The following HCN1 variants were observed in gnomAD, a reference collection of about 807,000 sequenced individuals.
HCN1 encodes the protein hyperpolarization activated cyclic nucleotide gated potassium channel 1, also known as potassium/sodium hyperpolarization-activated cyclic nucleotide-gated channel 1.
Under a neutral mutation model 78.9 loss-of-function variants are expected in HCN1, and 13 were observed. That is an observed-to-expected ratio of 0.16 (90% CI 0.11 to 0.26). The LOEUF is 0.26. Among genes scored for constraint, HCN1 ranks in the 10% least tolerant of loss-of-function variants. HCN1 has a pLI of 1.00. For synonymous variants in HCN1, 552 were observed against 455.5 expected, an observed-to-expected ratio of 1.21 and a Z score of -2.70; for missense variants, 810 against 1,154.3, an observed-to-expected ratio of 0.70 and a Z score of 4.32.
chr5:45,438,951 C>A (rs1044796878), intron 3 of HCN1, among the ~76,000 whole-genome samples: 2 of 152,182 alleles, frequency 1.3e-5, no homozygotes, highest in Admixed American at 1.3e-4. Context: ...TTCATAACAA[C>A]CCCTGTGACT....
chr5:45,297,378 A>G (rs1745518790), intron 6 of HCN1, among the ~76,000 whole-genome samples: 1 of 152,058 alleles, frequency 6.6e-6, no homozygotes, highest in Admixed American at 6.6e-5. Context: ...CATTATGAAC[A>G]TGTTACAGTG....
chr5:45,640,813 G>A (rs1745439413), intron 2 of HCN1, among the ~76,000 whole-genome samples: 1 of 147,978 alleles, frequency 6.8e-6, no homozygotes, highest in Admixed American at 6.8e-5. Context: ...GACTTCAGGT[G>A]ATCCACTGCA....
intron 4 of HCN1, among the ~76,000 whole-genome samples, chr5:45,372,159 T>C (rs1382304923): frequency 5.1e-5 from 2 of 39,136 alleles, no homozygotes; most frequent in Non-Finnish European, 6.8e-5. Context: ...TATAATATGT[T>C]ATTATATATA....
intron 2 of HCN1, among the ~76,000 whole-genome samples, chr5:45,619,936 T>C (rs907947165): frequency 6.6e-6 from 1 of 152,072 alleles, no homozygotes; most frequent in Non-Finnish European, 1.5e-5. Flanking sequence ...ATAGTATCTT[T>C]ACAGTGGAGA....
At chr5:45,301,082 A>T (rs1745606677) in intron 6 of HCN1, among the ~76,000 whole-genome samples, 1 of 152,032 alleles carries the variant, frequency 6.6e-6, no homozygotes, top group East Asian at 1.9e-4. Context: ...TATTTTGATA[A>T]AGTTAAAAAA....
At chr5:45,328,403 A>C (rs973038625) in intron 5 of HCN1, among the ~76,000 whole-genome samples, 1 of 151,576 alleles carries the variant, frequency 6.6e-6, no homozygotes, top group Non-Finnish European at 1.5e-5. Flanking sequence ...TCTGGCATAT[A>C]CGAATGACCA....
chr5:45,567,243 T>A (rs1743726699), intron 2 of HCN1, among the ~76,000 whole-genome samples: 1 of 152,082 alleles, frequency 6.6e-6, no homozygotes, highest in Admixed American at 6.6e-5. Context: ...TACCTCCTTT[T>A]CTTCTTCAAA....
chr5:45,448,057 G>C (rs997719904), intron 3 of HCN1, among the ~76,000 whole-genome samples: 3 of 151,548 alleles, frequency 2.0e-5, no homozygotes, highest in African/African-American at 7.3e-5. Flanking sequence ...TCCTACATAA[G>C]TTTTATAATT....
intron 2 of HCN1, among the ~76,000 whole-genome samples, chr5:45,622,155 G>A (rs183088052): frequency 2.8e-4 from 43 of 152,002 alleles, no homozygotes; most frequent in African/African-American, 8.2e-4. Context: ...CCAGGAGGCC[G>A]AGATCGCGCC....
At chr5:45,450,914 C>T (rs1297890971) in intron 3 of HCN1, among the ~76,000 whole-genome samples, 1 of 152,124 alleles carries the variant, frequency 6.6e-6, no homozygotes, top group Non-Finnish European at 1.5e-5. Flanking sequence ...AAAAAACAGC[C>T]TGGAGGAGAA....
intron 2 of HCN1, among the ~76,000 whole-genome samples, chr5:45,582,139 C>A (rs1473073529): frequency 6.6e-6 from 1 of 152,090 alleles, no homozygotes; most frequent in African/African-American, 2.4e-5. Flanking sequence ...GGTATTGATT[C>A]TTCCTACCCA....
chr5:45,473,835 G>A (rs1741458554), intron 2 of HCN1, among the ~76,000 whole-genome samples: 1 of 151,404 alleles, frequency 6.6e-6, no homozygotes, highest in South Asian at 2.1e-4. Context: ...TTGTAACCTG[G>A]CGTTTCCTAT....
chr5:45,363,030 C>T (rs936971735), intron 4 of HCN1, among the ~76,000 whole-genome samples: 3 of 149,308 alleles, frequency 2.0e-5, no homozygotes, highest in African/African-American at 7.4e-5. Context: ...CTGATTACTA[C>T]CATGATACTT....
At chr5:45,541,670 A>C (rs1743109870) in intron 2 of HCN1, among the ~76,000 whole-genome samples, 1 of 152,212 alleles carries the variant, frequency 6.6e-6, no homozygotes, top group Non-Finnish European at 1.5e-5. Flanking sequence ...TAACTTTGAG[A>C]TCTTCAAATA....
chr5:45,583,577 G>A (rs767793221), intron 2 of HCN1, among the ~76,000 whole-genome samples: 5 of 152,028 alleles, frequency 3.3e-5, no homozygotes, highest in African/African-American at 4.8e-5. Context: ...GCTTTTGAAC[G>A]TGCTTGCTCT....
At position 45,261,351 on chromosome 5, in the gene HCN1, T is replaced by TAC. The variant is rs146206633; in HGVS notation, c.*568_*569dup. 253 of 153,178 alleles carry TAC rather than the reference T, an allele frequency of 1.7e-3. No individual in the cohort carries two copies. The highest frequency in any genetic ancestry group is 2.7e-3 in the Non-Finnish European group (187 of 68,478). The allele number at this position is 153,178 out of a possible 1,614,324, so 9.5% of individuals were successfully genotyped here. ...ACAAACAGTGGCAATGCTAGTCTCC[T>TAC]ACGGTGGCCAAGCAAGTAGTGCATT... On this transcript the variant is annotated 3_prime_UTR_variant, in exon 8 of 8. Transcript: ENST00000303230.
chr5:45,679,411 C>T (rs937927912), intron 1 of HCN1, among the ~76,000 whole-genome samples: 7 of 151,964 alleles, frequency 4.6e-5, no homozygotes, highest in South Asian at 2.1e-4. Flanking sequence ...TTGCCTTTCC[C>T]GTGTGACCAG....
intron 3 of HCN1, among the ~76,000 whole-genome samples, chr5:45,439,056 T>C (rs1173992547): frequency 2.0e-5 from 3 of 152,168 alleles, no homozygotes; most frequent in Non-Finnish European, 4.4e-5. Context: ...ATAAATCTTA[T>C]AGAACTCAAA....
intron 4 of HCN1, among the ~76,000 whole-genome samples, chr5:45,373,171 T>G (rs1385010499): frequency 1.6e-5 from 2 of 125,146 alleles, no homozygotes; most frequent in Non-Finnish European, 3.1e-5. Flanking sequence ...ATGTACTTTA[T>G]AAAATATATG....
Sources: allele counts gnomAD v4.1 joint callset (sites outside exome capture counted in the v4.1 genomes callset), GRCh38; gene constraint gnomAD v4.1.1; transcripts MANE v1.5; gene names NCBI Gene and HGNC (gene_info 2026-07-23, HGNC 2026-07-21).